SLC30A6: variants seen among roughly 807,000 people sequenced by gnomAD.
SLC30A6 encodes the protein solute carrier family 30 member 6.
A neutral mutation model predicts 63.0 loss-of-function variants in SLC30A6; 55 were observed. The ratio of observed to expected loss-of-function variants is 0.87; its 90% confidence interval spans 0.70 to 1.09. The LOEUF (loss-of-function observed/expected upper bound fraction) is 1.09. SLC30A6 is among the 50% of genes least tolerant of loss of function. The probability of loss-of-function intolerance (pLI) is 0.00; values close to 1 mark genes in which losing one functional copy is unlikely to be tolerated. For synonymous variants in SLC30A6, 224 were observed against 186.1 expected, an observed-to-expected ratio of 1.20 and a Z score of -1.66; for missense variants, 587 against 549.2, an observed-to-expected ratio of 1.07 and a Z score of -0.69.
At position 32,165,884 on chromosome 2, in the gene SLC30A6, C is replaced by T. The variant is rs750663102; in HGVS notation, c.-17C>T. On this transcript the variant is annotated 5_prime_UTR_variant, in exon 1 of 14. Coordinates refer to ENST00000282587, the MANE Select transcript of SLC30A6 (RefSeq NM_017964.5). ...CACCCAGAACGGCTTCCGGCGGGAG[C>T]TGTGCAGCTCCTTATCATGGTGAGT... 5 of 1,614,008 alleles carry T rather than the reference C, an allele frequency of 3.1e-6. No homozygotes were observed. In the Admixed American group the frequency reaches 5.0e-5, roughly 16 times the overall value.
At chr2:32,187,338 A>G in intron 5 of SLC30A6, 1 of 434,926 alleles carries the variant, frequency 2.3e-6, no homozygotes, top group Non-Finnish European at 4.6e-6. Context: ...GTATTTCTGG[A>G]AAATAAATGC....
chr2:32,201,576 G>A (rs1011885322), intron 10 of SLC30A6: 20 of 1,370,516 alleles, frequency 1.5e-5, no homozygotes, highest in Middle Eastern at 5.2e-4. Context: ...CACTGTGCCC[G>A]GAGGGAGGCA....
At chr2:32,167,154 C>G (rs1320203852) in intron 1 of SLC30A6, among the ~76,000 whole-genome samples, 1 of 152,190 alleles carries the variant, frequency 6.6e-6, no homozygotes, top group Non-Finnish European at 1.5e-5. Flanking sequence ...CGGCTCACCA[C>G]AACTTCCGCC....
rs1215921824 is a variant in SLC30A6, at chr2:32,205,559, T to TC, written c.768+869dup. 2.0e-5 allele frequency among the ~76,000 whole-genome samples: 3 copies of TC among 152,026 alleles called. No individual in the cohort carries two copies. In the East Asian group the frequency reaches 5.8e-4, roughly 29 times the overall value. ...TCATATAGTCAGAACCTGATGAAAG[T>TC]CCATTAGCAAGTAAAATAGTCACAA... On this transcript the variant is annotated intron_variant, in intron 11 of 13. Transcript: ENST00000282587.
intron 10 of SLC30A6, chr2:32,203,357 A>G (rs1243515729): frequency 3.6e-5 from 35 of 960,206 alleles, no homozygotes; most frequent in South Asian, 1.0e-4. Flanking sequence ...TCCTTCTACA[A>G]TGGATTTAGT....
intron 13 of SLC30A6, among the ~76,000 whole-genome samples, chr2:32,219,509 A>G (rs944745722): frequency 1.3e-5 from 2 of 151,702 alleles, no homozygotes; most frequent in African/African-American, 4.8e-5. Flanking sequence ...ATCTTGGCTC[A>G]CTGCAACCTC....
intron 13 of SLC30A6, among the ~76,000 whole-genome samples, chr2:32,213,760 C>T (rs1406643489): frequency 3.5e-5 from 5 of 143,982 alleles, no homozygotes; most frequent in Non-Finnish European, 7.6e-5. Flanking sequence ...TTTAGATTCT[C>T]TTCTATTTTT....
rs1193348947 is a variant in SLC30A6 at position 32,212,583 on chromosome 2, C to CTTTTTTTT, written c.885+3043_885+3050dup. 8.4e-5 allele frequency among the ~76,000 whole-genome samples: 7 copies of CTTTTTTTT among 83,024 alleles called. 2 individuals are homozygous for CTTTTTTTT. Among genetic ancestry groups the CTTTTTTTT allele is most frequent in the Non-Finnish European group, 1.4e-4 (6 of 41,534 alleles). The allele number at this position is 83,024 out of a possible 152,430, so 54.5% of individuals were successfully genotyped here. A position where few individuals can be genotyped will look rare whatever the true frequency, so the allele number is the denominator to read the frequency against. ...CTTTCTTCCTCTCTGCCATTTTTACCTTTTTTTTTTTTTTTTTTTTTTTTT... is the reference window on the plus strand; with the variant it reads ...CTTTCTTCCTCTCTGCCATTTTTACCTTTTTTTTTTTTTTTTTTTTTTTTTTTTTTTTT... On this transcript the variant is annotated intron_variant, in intron 13 of 13. Coordinates refer to ENST00000282587, the MANE Select transcript of SLC30A6 (RefSeq NM_017964.5).
intron 1 of SLC30A6, among the ~76,000 whole-genome samples, chr2:32,170,731 T>C (rs1681131044): frequency 6.6e-6 from 1 of 152,162 alleles, no homozygotes. Context: ...CCTGAGTAGC[T>C]GGTATTACAG....
At position 32,208,653 on chromosome 2, in the gene SLC30A6, C is replaced by T. The variant is rs990435013; in HGVS notation, c.817-840C>T. Reference sequence around the variant, plus strand: ...TGCCACCCAGTCTGGAGTGCAGTGCCGTGTTCTCTGCTTCCCACCGGCTAA... The same window carrying T: ...TGCCACCCAGTCTGGAGTGCAGTGCTGTGTTCTCTGCTTCCCACCGGCTAA... On this transcript the variant is annotated intron_variant, in intron 12 of 13. Transcript: ENST00000282587. 5.7e-5 allele frequency among the ~76,000 whole-genome samples: 8 copies of T among 141,448 alleles called. No individual in the cohort carries two copies. The East Asian group carries it at 1.0e-3, about 18-fold the overall frequency. The allele number at this position is 141,448 out of a possible 152,430, so 92.8% of individuals were successfully genotyped here. A position where few individuals can be genotyped will look rare whatever the true frequency, so the allele number is the denominator to read the frequency against.
rs774660102 is a variant in SLC30A6 at position 32,184,279 on chromosome 2, G to A, written c.225G>A (p.Met75Ile). The change falls in exon 5 of 14, where the codon ATG becomes ATA. Residue 75 changes from methionine to isoleucine, a missense_variant. Coordinates refer to ENST00000282587, the MANE Select transcript of SLC30A6 (RefSeq NM_017964.5). ...TATTTTTCTTTTTACTTAGTTTAAT[G>A]ACATGTTTAATAAGTTACTGGGTAA... is the stretch of plus-strand genomic sequence containing the variant. ...YLTIFDLFSLMTCLISYWVTL... is the reference protein window; with the variant it reads ...YLTIFDLFSLITCLISYWVTL... 43 of 1,528,104 alleles carry A rather than the reference G, an allele frequency of 2.8e-5. No individual in the cohort carries two copies. Among genetic ancestry groups the A allele is most frequent in the Admixed American group, 7.6e-5 (4 of 52,588 alleles). 94.7% of individuals were successfully genotyped at this position (1,528,104 alleles called of 1,614,324 possible). A position where few individuals can be genotyped will look rare whatever the true frequency, so the allele number is the denominator to read the frequency against.
intron 4 of SLC30A6, among the ~76,000 whole-genome samples, chr2:32,183,046 G>T (rs1682475669): frequency 6.6e-6 from 1 of 152,014 alleles, no homozygotes; most frequent in Non-Finnish European, 1.5e-5. Context: ...AATTAGCCGG[G>T]CATGGTGGTG....
Position 32,220,531 on chromosome 2 carries a change from C to G in SLC30A6, c.1204C>G (p.Leu402Val), listed in dbSNP as rs762348812. ...GAAAAATGTGAACCCAGTTATTCTT[C>G]TAAACACACAAACAAGGCCTTATGG... ...PGKNVNPVIL[L>V]NTQTRPYGFG... The change falls in exon 14 of 14, where the codon CTA becomes GTA. Residue 402 changes from leucine (L) to valine (V), a missense_variant. Transcript: ENST00000282587. 9.3e-6 allele frequency: 15 copies of G among 1,614,070 alleles called. No individual in the cohort carries two copies. The East Asian group carries it at 1.8e-4, about 19-fold the overall frequency.
At chr2:32,207,056 A>G in intron 12 of SLC30A6, 123 bp downstream of exon 12, 1 of 747,332 alleles carries the variant, frequency 1.3e-6, no homozygotes, top group Non-Finnish European at 2.3e-6. Context: ...TGTTCTTCAC[A>G]ATAACATACT....
chr2:32,171,894 A>G (rs1393298434), intron 2 of SLC30A6, among the ~76,000 whole-genome samples: 1 of 152,042 alleles, frequency 6.6e-6, no homozygotes, highest in Non-Finnish European at 1.5e-5. Context: ...GGGTTTCACC[A>G]TGTTGGTCAG....
intron 1 of SLC30A6, among the ~76,000 whole-genome samples, chr2:32,169,307 T>TA (rs1383158029): frequency 2.0e-5 from 3 of 152,160 alleles, no homozygotes; most frequent in Non-Finnish European, 4.4e-5. Context: ...TAGCTGGGAC[T>TA]ACAGGCATGT....
intron 10 of SLC30A6, chr2:32,203,097 G>A (rs1238183818): frequency 7.6e-7 from 1 of 1,308,668 alleles, no homozygotes; most frequent in Non-Finnish European, 1.1e-6. Flanking sequence ...TACACTAAAA[G>A]ACTTCAGAGA....
intron 10 of SLC30A6, 137 bp from the exon 11 acceptor site, chr2:32,204,453 A>T (rs1684565293): frequency 2.5e-6 from 1 of 399,212 alleles, no homozygotes; most frequent in African/African-American, 2.0e-5. Context: ...GTTTCTTTGC[A>T]AGTAGTGGCC....
chr2:32,220,412 C>A lies in SLC30A6; in HGVS notation c.1085C>A (p.Pro362His). 6.2e-7 allele frequency: 1 copy of A among 1,614,204 alleles called. No individual in the cohort carries two copies. The highest frequency in any genetic ancestry group is 8.5e-7 in the Non-Finnish European group (1 of 1,180,036). The change falls in exon 14 of 14, where the codon CCT becomes CAT. Residue 362 changes from proline (P) to histidine (H), a missense_variant. Coordinates refer to ENST00000282587, the MANE Select transcript of SLC30A6 (RefSeq NM_017964.5). The part of the protein sequence containing the change: ...NFSDHHVIPM[P>H]LLKGTDDLNP... ...TCAGATCATCACGTAATCCCAATGC[C>A]TCTTTTAAAGGGTACTGATGATTTG...
Sources: gnomAD v4.1 joint callset for allele counts (sites outside exome capture counted in the v4.1 genomes callset) on GRCh38, gnomAD v4.1.1 for gene constraint, MANE v1.5 for transcripts, NCBI Gene and HGNC (gene_info 2026-07-23, HGNC 2026-07-21) for gene names.